The following ANK1 variants were observed in gnomAD, a reference collection of about 807,000 sequenced individuals.
ANK1 encodes ankyrin 1, also known as ankyrin-1.
ANK1 carries 51 observed loss-of-function variants against 210.4 expected under a neutral mutation model. The ratio of observed to expected loss-of-function variants is 0.24; its 90% confidence interval spans 0.19 to 0.31. The LOEUF is 0.31. Among genes scored for constraint, ANK1 ranks in the 10% least tolerant of loss-of-function variants. The probability of loss-of-function intolerance (pLI) is 1.00; values close to 1 mark genes in which losing one functional copy is unlikely to be tolerated. For synonymous variants in ANK1, 967 were observed against 1,025.9 expected, an observed-to-expected ratio of 0.94 and a Z score of 1.10; for missense variants, 2,051 against 2,504.4, an observed-to-expected ratio of 0.82 and a Z score of 3.86.
In ANK1 at chr8:41,823,839, C is replaced by A. The variant is rs183126697; in HGVS notation, c.127-65702G>T. The stretch of plus-strand genomic sequence containing the variant: ...TCCACTCTCTGCACCTTCTCCACCA[C>A]CTCCTTCCTAACCCAATATTATTAA... On this transcript the variant is annotated intron_variant, in intron 1 of 42. Transcript: ENST00000265709. Among the ~76,000 whole-genome samples, 18 of 152,340 alleles carry A rather than the reference C, an allele frequency of 1.2e-4. 1 individual carries two copies. Among genetic ancestry groups the A allele is most frequent in the African/African-American group, 4.1e-4 (17 of 41,572 alleles).
chr8:41,812,907 T>G (rs544927350), intron 1 of ANK1, among the ~76,000 whole-genome samples: 1 of 152,314 alleles, frequency 6.6e-6, no homozygotes, highest in South Asian at 2.1e-4. Context: ...CAATGCTTCC[T>G]GGCTCATTGC....
chr8:41,798,422 C>T (rs569325669), upstream of ANK1, among the ~76,000 whole-genome samples: 47 of 152,332 alleles, frequency 3.1e-4, no homozygotes, highest in African/African-American at 1.1e-3. Context: ...TGGGATGGCG[C>T]GGGCAGGGGG....
At chr8:41,789,222 G>A (rs7844700) in intron 1 of ANK1, 36,420 of 152,180 alleles carry the variant, frequency 0.24, 5,589 homozygotes, top group Non-Finnish European at 0.33. Flanking sequence ...AGTCAAAGGT[G>A]CGTTAAAGGT....
At chr8:41,664,436 G>A (rs1277610714) in intron 39 of ANK1, among the ~76,000 whole-genome samples, 2 of 152,094 alleles carry the variant, frequency 1.3e-5, no homozygotes, top group African/African-American at 4.8e-5. Flanking sequence ...TGAGCCATGA[G>A]CATGCCACTG....
Position 41,718,198 on chromosome 8 carries a change from A to G in ANK1, c.1114T>C (p.Phe372Leu). ...TTGCAGGCGATGTGTAAGGGGGTAA[A>G]GCCATTCTGCAGCCCACACAAAGGG... ...AKPNSRALNG[F>L]TPLHIACKKN... The change falls in exon 11 of 43, where the codon TTT becomes CTT. Residue 372 changes from phenylalanine to leucine, a missense_variant. Physicochemically the swap from Phe to Leu is conservative, Grantham distance 22. Around this residue, in one of 6 missense-constraint regions of ANK1, gnomAD observed 1,413 missense variants for 1,707.4 expected, o/e 0.83. Coordinates refer to ENST00000289734, the MANE Select transcript of ANK1 (RefSeq NM_000037.4). 6.2e-7 allele frequency: 1 copy of G among 1,613,830 alleles called. No individual in the cohort carries two copies. Among genetic ancestry groups the G allele is most frequent in the South Asian group, 1.1e-5 (1 of 91,082 alleles).
intron 7 of ANK1, among the ~76,000 whole-genome samples, 196 bp from the exon 8 acceptor site, chr8:41,723,829 GCC>G (rs1829990558): frequency 7.0e-6 from 1 of 143,846 alleles, no homozygotes; most frequent in South Asian, 2.2e-4. Flanking sequence ...TCGCTCTGTC[GCC>G]CAGGCTGGAG....
At chr8:41,752,805 C>G (rs1489346197) in intron 2 of ANK1, among the ~76,000 whole-genome samples, 4 of 151,516 alleles carry the variant, frequency 2.6e-5, no homozygotes, top group African/African-American at 9.7e-5. Flanking sequence ...CAGGCCCCCC[C>G]CCACTGCACC....
chr8:41,733,633 ATGTCTGCTGGGATTC>A (rs1832745745), intron 3 of ANK1, among the ~76,000 whole-genome samples: 1 of 152,226 alleles, frequency 6.6e-6, no homozygotes, highest in South Asian at 2.1e-4. Flanking sequence ...AGCGTGAAGT[ATGTCTGCTGGGATTC>A]GACTCCAGGC....
chr8:41,734,403 T>G (rs957129699), intron 2 of ANK1, among the ~76,000 whole-genome samples: 5 of 152,254 alleles, frequency 3.3e-5, no homozygotes, highest in African/African-American at 1.2e-4. Context: ...ATTAAAATGA[T>G]GTAGCTTCAA....
chr8:41,661,769 T>C (rs778339399), intron 41 of ANK1, 107 bp downstream of exon 41: 18 of 1,612,346 alleles, frequency 1.1e-5, no homozygotes, highest in Non-Finnish European at 1.4e-5. Flanking sequence ...GTGATGGCGC[T>C]GGGTCCCCCA....
chr8:41,782,523 A>G (rs1043558014), intron 1 of ANK1, among the ~76,000 whole-genome samples: 1 of 152,152 alleles, frequency 6.6e-6, no homozygotes, highest in Non-Finnish European at 1.5e-5. Flanking sequence ...GTACGGACTG[A>G]GTGAGCCCTG....
intron 3 of ANK1, 97 bp downstream of exon 3, chr8:41,733,874 G>A (rs1832796810): frequency 2.1e-6 from 2 of 969,662 alleles, no homozygotes; most frequent in South Asian, 2.6e-5. Context: ...AAATTCAGAT[G>A]CATGCCTGAG....
At chr8:41,687,559 G>A (rs193150641) in intron 35 of ANK1, among the ~76,000 whole-genome samples, 3 of 152,260 alleles carry the variant, frequency 2.0e-5, no homozygotes, top group East Asian at 1.9e-4. Flanking sequence ...TTAACAGCCC[G>A]AGCCCTGAAC....
intron 1 of ANK1, among the ~76,000 whole-genome samples, chr8:41,864,359 T>G (rs1396425197): frequency 1.3e-5 from 2 of 152,196 alleles, no homozygotes. Flanking sequence ...GTTTCTTTAT[T>G]TAAATGCCTG....
At chr8:41,684,058 A>T (rs1816933576) in intron 37 of ANK1, among the ~76,000 whole-genome samples, 1 of 152,226 alleles carries the variant, frequency 6.6e-6, no homozygotes, top group South Asian at 2.1e-4. Context: ...TTTGTAAAAC[A>T]CCGTCCAGTT....
chr8:41,732,636 C>G (rs979513666), intron 3 of ANK1, among the ~76,000 whole-genome samples: 1 of 152,064 alleles, frequency 6.6e-6, no homozygotes, highest in Non-Finnish European at 1.5e-5. Context: ...TGGTTTCGAA[C>G]TCCTAACCGC....
intron 1 of ANK1, among the ~76,000 whole-genome samples, chr8:41,796,130 G>A (rs1013865509): frequency 6.6e-6 from 1 of 152,134 alleles, no homozygotes. Flanking sequence ...TACAATAAAC[G>A]TCTTCAAGCC....
At chr8:41,681,490 A>G (rs1199635656) in intron 37 of ANK1, among the ~76,000 whole-genome samples, 2 of 152,238 alleles carry the variant, frequency 1.3e-5, no homozygotes, top group Non-Finnish European at 2.9e-5. Context: ...CTATGAAGGG[A>G]GAGACAGCCT....
chr8:41,716,202 G>C (rs1205923419), intron 13 of ANK1, among the ~76,000 whole-genome samples: 2 of 152,068 alleles, frequency 1.3e-5, no homozygotes, highest in East Asian at 3.9e-4. Flanking sequence ...TGCATAAAAG[G>C]CACTCAATGC....
Sources: gnomAD v4.1 joint callset for allele counts (sites outside exome capture counted in the v4.1 genomes callset) on GRCh38, gnomAD v4.1.1 for gene constraint, gnomAD v4.1.1 regional missense constraint, MANE v1.5 for transcripts, NCBI Gene and HGNC (gene_info 2026-07-23, HGNC 2026-07-21) for gene names.